IL1RAPL1: variants seen among roughly 807,000 people sequenced by gnomAD.
IL1RAPL1 encodes interleukin 1 receptor accessory protein like 1, also known as interleukin-1 receptor accessory protein-like 1.
IL1RAPL1 carries 3 observed loss-of-function variants against 48.4 expected under a neutral mutation model. The ratio of observed to expected loss-of-function variants is 0.06; its 90% CI spans 0.03 to 0.16. The LOEUF (loss-of-function observed/expected upper bound fraction) is 0.16, where lower values mean the gene tolerates loss of function less well. Ranked by LOEUF, IL1RAPL1 falls within the 10% of genes least tolerant of loss-of-function variation. The pLI is 1.00. For missense variants in IL1RAPL1, 349 were observed against 530.6 expected (o/e 0.66, Z 3.36); for synonymous variants, 185 against 187.7 (o/e 0.99, Z 0.12).
At chrX:29,585,876 CTGTTTGTT>C (rs60691855) in intron 5 of IL1RAPL1, among the ~76,000 whole-genome samples, 5 of 110,853 alleles carry the variant, frequency 4.5e-5, no homozygotes, top group East Asian at 2.8e-4. Context: ...GTGTGTTTTT[CTGTTTGTT>C]TGTTTGTTTG....
chrX:29,261,684 G>A (rs768408219), intron 2 of IL1RAPL1, among the ~76,000 whole-genome samples: 5 of 110,167 alleles, frequency 4.5e-5, no homozygotes, highest in Non-Finnish European at 7.6e-5. Flanking sequence ...TAACTCCCAG[G>A]CACACGGAGC....
chrX:28,911,600 C>T (rs1923361377), intron 2 of IL1RAPL1, among the ~76,000 whole-genome samples: 1 of 110,901 alleles, frequency 9.0e-6, no homozygotes, highest in African/African-American at 3.3e-5. Flanking sequence ...ATACCAAGTA[C>T]TTATCACATA....
chrX:29,279,782 C>T (rs886114512), intron 2 of IL1RAPL1, among the ~76,000 whole-genome samples: 5 of 112,234 alleles, frequency 4.5e-5, no homozygotes, highest in African/African-American at 1.6e-4. Flanking sequence ...TTTCTTCCAA[C>T]ATTTTCTCAG....
chrX:29,210,483 C>T (rs1930749031), intron 2 of IL1RAPL1, among the ~76,000 whole-genome samples: 1 of 112,345 alleles, frequency 8.9e-6, no homozygotes, highest in African/African-American at 3.2e-5. Context: ...GTCAAATGTG[C>T]ATCATTTAAA....
In IL1RAPL1 at chrX:29,000,343, A is replaced by G. The variant is rs143082023; in HGVS notation, c.82+210918A>G. ...CTTTCTTTTTGTCTTGCAAATTACTATTCTTTTTCTCTCTCATTTCCACCC... is the reference window on the plus strand; with the variant it reads ...CTTTCTTTTTGTCTTGCAAATTACTGTTCTTTTTCTCTCTCATTTCCACCC... On this transcript the variant is annotated intron_variant, in intron 2 of 10. Transcript: ENST00000378993. Among the ~76,000 whole-genome samples, 19 of 111,488 alleles carry G rather than the reference A, an allele frequency of 1.7e-4. No individual in the cohort carries two copies. The East Asian group carries it at 3.7e-3, about 22-fold the overall frequency.
At chrX:28,998,381 C>T (rs1925771030) in intron 2 of IL1RAPL1, among the ~76,000 whole-genome samples, 1 of 111,495 alleles carries the variant, frequency 9.0e-6, no homozygotes, top group Admixed American at 9.6e-5. Context: ...TTGACAGCTA[C>T]AATTCTCCTT....
rs1452303728 is a variant in IL1RAPL1 at position 28,768,753 on chromosome X, CTCTATATA to C, written c.-24-20565_-24-20558del. Among the ~76,000 whole-genome samples, 499 of 53,561 alleles carry C rather than the reference CTCTATATA, an allele frequency of 9.3e-3. 3 individuals carry two copies. The highest frequency in any genetic ancestry group is 0.032 in the African/African-American group (381 of 11,927). The allele number at this position is 53,561 out of a possible 115,157, so 46.5% of individuals were successfully genotyped here. A position where few individuals can be genotyped will look rare whatever the true frequency, so the allele number is the denominator to read the frequency against. On this transcript the variant is annotated intron_variant, in intron 1 of 10. Transcript: ENST00000378993. Reference sequence around the variant, plus strand: ...TGTCTCTCTCTCTCTCTCTCTCTCTCTCTATATATATATATATATATATATACACACAC... The same window carrying C: ...TGTCTCTCTCTCTCTCTCTCTCTCTCTATATATATATATATATACACACAC...
intron 1 of IL1RAPL1, among the ~76,000 whole-genome samples, chrX:28,777,313 T>A (rs1936371712): frequency 9.0e-6 from 1 of 111,307 alleles, no homozygotes; most frequent in Non-Finnish European, 1.9e-5. Flanking sequence ...GCCCACCTTG[T>A]AATCTGGAAT....
At chrX:29,452,780 G>A (rs760275876) in intron 5 of IL1RAPL1, among the ~76,000 whole-genome samples, 8 of 110,600 alleles carry the variant, frequency 7.2e-5, no homozygotes, top group African/African-American at 2.0e-4. Context: ...AAGCCATGGT[G>A]GATAATCAAA....
At chrX:28,821,425 T>A (rs1936936217) in intron 2 of IL1RAPL1, among the ~76,000 whole-genome samples, 1 of 110,330 alleles carries the variant, frequency 9.1e-6, no homozygotes. Context: ...GAAATTGTAG[T>A]TCCAGTAACA....
chrX:28,880,209 T>G (rs1922470030), intron 2 of IL1RAPL1, among the ~76,000 whole-genome samples: 3 of 112,774 alleles, frequency 2.7e-5, no homozygotes, highest in Admixed American at 9.4e-5. Flanking sequence ...TGACTAGGAC[T>G]TTAAGCTAAA....
chrX:29,200,249 A>G (rs1004815982), intron 2 of IL1RAPL1, among the ~76,000 whole-genome samples: 1 of 111,458 alleles, frequency 9.0e-6, no homozygotes, highest in Non-Finnish European at 1.9e-5. Flanking sequence ...AGATGTTATC[A>G]TCGCTGTTGG....
intron 5 of IL1RAPL1, among the ~76,000 whole-genome samples, chrX:29,536,374 A>G (rs1403568950): frequency 8.9e-6 from 1 of 112,224 alleles, no homozygotes; most frequent in African/African-American, 3.2e-5. Context: ...GGCGAAAAGA[A>G]GTAACAAAAT....
intron 2 of IL1RAPL1, among the ~76,000 whole-genome samples, chrX:28,865,110 T>C (rs1161269717): frequency 4.5e-5 from 5 of 111,462 alleles, no homozygotes; most frequent in African/African-American, 1.3e-4. Flanking sequence ...TTTACTAAGA[T>C]GGGAAGGTTT....
chrX:28,974,543 C>T (rs766115770), intron 2 of IL1RAPL1, among the ~76,000 whole-genome samples: 1 of 111,865 alleles, frequency 8.9e-6, no homozygotes, highest in South Asian at 3.8e-4. Flanking sequence ...TTAAGGTTTC[C>T]TTTACTACTG....
At chrX:28,786,849 AT>A (rs1936480887) in intron 1 of IL1RAPL1, among the ~76,000 whole-genome samples, 1 of 112,204 alleles carries the variant, frequency 8.9e-6, no homozygotes, top group African/African-American at 3.2e-5. Context: ...TCACTAAATG[AT>A]TATGTACAGT....
chrX:29,510,283 A>T (rs6628436), intron 5 of IL1RAPL1, among the ~76,000 whole-genome samples: 44,367 of 111,048 alleles, frequency 0.4, 6,639 homozygotes, highest in East Asian at 0.7. Context: ...GAAAGCCTAG[A>T]TGGAGGACAT....
At chrX:29,648,100 T>C (rs1925392618) in intron 5 of IL1RAPL1, among the ~76,000 whole-genome samples, 1 of 111,941 alleles carries the variant, frequency 8.9e-6, no homozygotes, top group African/African-American at 3.2e-5. Flanking sequence ...GAGGATGTAA[T>C]GATTATAGAC....
At chrX:29,508,661 A>G (rs1436050791) in intron 5 of IL1RAPL1, among the ~76,000 whole-genome samples, 2 of 112,003 alleles carry the variant, frequency 1.8e-5, no homozygotes, top group African/African-American at 6.5e-5. Flanking sequence ...GGATTGAAAC[A>G]TTAGAGGTGA....
Sources: gnomAD v4.1 joint callset for allele counts (sites outside exome capture counted in the v4.1 genomes callset) on GRCh38, gnomAD v4.1.1 for gene constraint, MANE v1.5 for transcripts, NCBI Gene and HGNC (gene_info 2026-07-23, HGNC 2026-07-21) for gene names.